Variants in NMT1 observed in about 807,000 individuals in gnomAD.
NMT1 encodes the protein N-myristoyltransferase 1, also known as glycylpeptide N-tetradecanoyltransferase 1.
NMT1 carries 12 observed loss-of-function variants against 63.4 expected under a neutral mutation model. The observed-to-expected ratio is 0.19, with a 90% CI of 0.12 to 0.31. The LOEUF (loss-of-function observed/expected upper bound fraction) is 0.31, where lower values mean the gene tolerates loss of function less well. NMT1 is among the 10% of genes least tolerant of loss of function. The pLI is 1.00. For synonymous variants in NMT1, 228 were observed against 234.3 expected (o/e 0.97, Z 0.25); for missense variants, 432 against 634.6 (o/e 0.68, Z 3.43).
Position 45,105,798 on chromosome 17 carries a change from A to T in NMT1, c.*159A>T, listed in dbSNP as rs2054199458. 1 of 660,452 alleles carries T rather than the reference A, an allele frequency of 1.5e-6. No individual in the cohort carries two copies. The highest frequency in any genetic ancestry group is 2.5e-6 in the Non-Finnish European group (1 of 392,662). The allele number at this position is 660,452 out of a possible 1,614,324, so 40.9% of individuals were successfully genotyped here. ...AACCGCCAGCGAACTTGACAATTGTATTGCGATGGCGTGGGCTGCGTGACG... is the reference window on the plus strand; with the variant it reads ...AACCGCCAGCGAACTTGACAATTGTTTTGCGATGGCGTGGGCTGCGTGACG... On this transcript the variant is annotated 3_prime_UTR_variant, in exon 12 of 12. Coordinates refer to ENST00000258960, the MANE Select transcript of NMT1 (RefSeq NM_021079.5). The surrounding 1 kb of genome is among the most constrained non-coding windows in gnomAD (Gnocchi z 4.2).
chr17:45,096,338 C>G, intron 5 of NMT1, 53 bp downstream of exon 5: 1 of 1,414,392 alleles, frequency 7.1e-7, no homozygotes, highest in Non-Finnish European at 1.0e-6. Context: ...TAGAGCAGAT[C>G]CACCAGAGGG....
At chr17:45,071,469 G>A (rs966703383) in intron 1 of NMT1, 2 of 152,134 alleles carry the variant, frequency 1.3e-5, no homozygotes, top group Non-Finnish European at 2.9e-5. Context: ...TGGTGTTTAC[G>A]ACTAATTTGT....
chr17:45,099,740 T>G (rs1000475446), intron 8 of NMT1: 1 of 539,966 alleles, frequency 1.9e-6, no homozygotes, highest in African/African-American at 1.9e-5. Context: ...TGGACTAGCT[T>G]CTCTGCCATC....
In NMT1 at chr17:45,093,730, A is replaced by G; in HGVS notation, c.431A>G (p.Asn144Ser). ...THGPVEPDKDNIRQEPYTLPQ... is the reference protein window; with the variant it reads ...THGPVEPDKDSIRQEPYTLPQ... ...GGCCCCGTGGAGCCTGACAAGGACA[A>G]TATCCGCCAGGAGCCCTACACCCTG... is the stretch of plus-strand genomic sequence containing the variant. The change falls in exon 4 of 12, where the codon AAT (asparagine) becomes AGT (serine). Residue 144 changes from asparagine to serine, a missense_variant. This residue lies in a region of NMT1 where 295 missense variants were observed against 489.7 expected (regional missense o/e 0.60). Transcript: ENST00000258960. 1.9e-6 allele frequency: 3 copies of G among 1,614,174 alleles called. No homozygotes were observed. The highest frequency in any genetic ancestry group is 2.5e-6 in the Non-Finnish European group (3 of 1,180,014).
At chr17:45,097,566 C>T (rs958354786) in intron 6 of NMT1, among the ~76,000 whole-genome samples, 16 of 152,038 alleles carry the variant, frequency 1.1e-4, no homozygotes, top group East Asian at 9.7e-4. Context: ...ATGTTGCCCA[C>T]GCTAGTCTCA....
chr17:45,096,257 T>C lies in NMT1; in HGVS notation c.568T>C (p.Phe190Leu). ...GGAAGATGATGACAACATGTTCCGA[T>C]TTGATTATTCCCCGGAGTTTCTTTT... is the stretch of plus-strand genomic sequence containing the variant. ...YVEDDDNMFR[F>L]DYSPEFLLWA... The change falls in exon 5 of 12, where the codon TTT (phenylalanine) becomes CTT (leucine). Residue 190 changes from phenylalanine (F) to leucine (L), a missense_variant. By Grantham distance (22) the Phe-to-Leu change is conservative (BLOSUM62 0). This residue lies in a region of NMT1 where 295 missense variants were observed against 489.7 expected (regional missense o/e 0.60). Coordinates refer to ENST00000258960, the MANE Select transcript of NMT1 (RefSeq NM_021079.5). 1 of 1,614,080 alleles carries C rather than the reference T, an allele frequency of 6.2e-7. No homozygotes were observed. The highest frequency in any genetic ancestry group is 1.1e-5 in the South Asian group (1 of 91,082).
chr17:45,105,070 G>C lies in NMT1; in HGVS notation c.1470+74G>C. ...TGTCTCCAGCAGAAACCGGGCCATG[G>C]GTTGAGGAGACAGCCGCAGTCTGGG... is the stretch of plus-strand genomic sequence containing the variant. On this transcript the variant is annotated intron_variant, in intron 11 of 11. Coordinates refer to ENST00000258960, the MANE Select transcript of NMT1 (RefSeq NM_021079.5). This position sits in a 1 kb window ranked among gnomAD's most constrained non-coding sequence, Gnocchi z 4.2. The C allele has an allele frequency of 6.3e-7, 1 of 1,590,484 alleles. No homozygotes were observed. Among genetic ancestry groups the C allele is most frequent in the African/African-American group, 1.3e-5 (1 of 74,426 alleles).
chr17:45,104,773 C>G lies in NMT1; in HGVS notation c.1333-86C>G. On this transcript the variant is annotated intron_variant, in intron 10 of 11. Transcript: ENST00000258960. The surrounding 1 kb of genome is among the most constrained non-coding windows in gnomAD (Gnocchi z 4.2). The stretch of plus-strand genomic sequence containing the variant: ...CTTGTTCTTGTGGCTGCCCACAGGA[C>G]AGCTTTGAAATGGCAGCAAAGGGGT... The G allele has an allele frequency of 6.3e-7, 1 of 1,577,580 alleles. No homozygotes were observed. The highest frequency in any genetic ancestry group is 1.3e-5 in the African/African-American group (1 of 74,166).
In NMT1 at chr17:45,088,180, G is replaced by A. The variant is rs116208067; in HGVS notation, c.385+1528G>A. ...CCGTGTGTGTTTGGCTGCCCTCATC[G>A]GCCAGGTCCCAGGCCCACTGGCTAA... On this transcript the variant is annotated intron_variant, in intron 3 of 11. Coordinates refer to ENST00000258960, the MANE Select transcript of NMT1 (RefSeq NM_021079.5). Among the ~76,000 whole-genome samples the A allele has an allele frequency of 4.4e-3, 671 of 152,266 alleles. 1 individual carries two copies. The highest frequency in any genetic ancestry group is 0.016 in the African/African-American group (654 of 41,564).
At chr17:45,068,601 C>G (rs901917922) in intron 1 of NMT1, among the ~76,000 whole-genome samples, 3 of 152,206 alleles carry the variant, frequency 2.0e-5, no homozygotes, top group Non-Finnish European at 4.4e-5. Context: ...AAGCCCTTTA[C>G]TTGGATTATA....
intron 1 of NMT1, among the ~76,000 whole-genome samples, chr17:45,075,471 C>T (rs1256310957): frequency 1.4e-5 from 2 of 146,302 alleles, no homozygotes; most frequent in East Asian, 2.0e-4. Context: ...GGCAACAGAG[C>T]GAGACTCTTG....
intron 3 of NMT1, among the ~76,000 whole-genome samples, chr17:45,089,144 C>T (rs1421232877): frequency 6.6e-6 from 1 of 152,180 alleles, no homozygotes; most frequent in African/African-American, 2.4e-5. Context: ...ATGGCTGAGG[C>T]GTCACCCTAG....
At chr17:45,082,519 T>C (rs1330871338) in intron 2 of NMT1, among the ~76,000 whole-genome samples, 1 of 152,212 alleles carries the variant, frequency 6.6e-6, no homozygotes, top group Non-Finnish European at 1.5e-5. Flanking sequence ...TGAGTTCTAC[T>C]CCATGAGAAC....
At chr17:45,092,660 A>C (rs530722753) in intron 3 of NMT1, among the ~76,000 whole-genome samples, 1 of 151,636 alleles carries the variant, frequency 6.6e-6, no homozygotes, top group South Asian at 2.1e-4. Flanking sequence ...CAGTGAGCCA[A>C]GATCGCACCA....
intron 5 of NMT1, 131 bp from the exon 6 acceptor site, chr17:45,096,997 T>C (rs2054128724): frequency 5.6e-6 from 4 of 709,656 alleles, no homozygotes; most frequent in Non-Finnish European, 1.0e-5. Flanking sequence ...GGCTTGGCCC[T>C]AAAGAGAATC....
rs182309882 is a variant in NMT1 at position 45,075,044 on chromosome 17, T to A, written c.132-6600T>A. Among the ~76,000 whole-genome samples the A allele has an allele frequency of 2.4e-4, 36 of 152,248 alleles. 1 individual carries two copies. The highest frequency in any genetic ancestry group is 2.1e-3 in the Admixed American group (32 of 15,272). Reference sequence around the variant, plus strand: ...GCCTAAAATTAGCCAGGCATGGTGGTGCACACCTGTAGCCCCAATTACTCA... The same window carrying A: ...GCCTAAAATTAGCCAGGCATGGTGGAGCACACCTGTAGCCCCAATTACTCA... On this transcript the variant is annotated intron_variant, in intron 1 of 11. Transcript: ENST00000258960.
chr17:45,078,851 C>T (rs746269450), intron 1 of NMT1, among the ~76,000 whole-genome samples: 10 of 151,900 alleles, frequency 6.6e-5, no homozygotes, highest in East Asian at 1.9e-4. Flanking sequence ...GTGTTAGAGA[C>T]GGGGTTTCGC....
At chr17:45,083,171 T>C (rs7216895) in intron 2 of NMT1, among the ~76,000 whole-genome samples, 2,544 of 151,518 alleles carry the variant, frequency 0.017, 54 homozygotes, top group South Asian at 0.07. Context: ...AAAAAAAAAT[T>C]AGCCAGGCGT....
intron 1 of NMT1, chr17:45,071,454 T>G (rs2053939011): frequency 6.6e-6 from 1 of 152,202 alleles, no homozygotes; most frequent in Non-Finnish European, 1.5e-5. Flanking sequence ...CTGGTCCAAG[T>G]GCAGTGGTGT....
Sources: allele counts gnomAD v4.1 joint callset (sites outside exome capture counted in the v4.1 genomes callset), GRCh38; gene constraint gnomAD v4.1.1; regional missense constraint gnomAD v4.1.1; non-coding constraint Gnocchi (gnomAD v3.1); transcripts MANE v1.5; gene names NCBI Gene and HGNC (gene_info 2026-07-23, HGNC 2026-07-21).